Variants in PTPRT observed in about 807,000 individuals in gnomAD.
PTPRT encodes receptor-type tyrosine-protein phosphatase T.
Under a neutral mutation model 176.8 loss-of-function variants are expected in PTPRT, and 56 were observed. The ratio of observed to expected loss-of-function variants is 0.32; its 90% CI spans 0.26 to 0.40. The LOEUF is 0.40. PTPRT is among the 10% of genes least tolerant of loss of function. The pLI is 1.00. For missense variants in PTPRT, 1,540 were observed against 1,908.2 expected, an observed-to-expected ratio of 0.81 and a Z score of 3.60; for synonymous variants, 783 against 739.0, an observed-to-expected ratio of 1.06 and a Z score of -0.96.
At chr20:42,823,679 C>T (rs1002925495) in intron 2 of PTPRT, among the ~76,000 whole-genome samples, 20 of 151,950 alleles carry the variant, frequency 1.3e-4, no homozygotes, top group Admixed American at 6.6e-4. Flanking sequence ...ACTGAAGCCA[C>T]TTCTATTAAA....
At chr20:42,647,385 G>A (rs2074930290) in intron 7 of PTPRT, among the ~76,000 whole-genome samples, 1 of 152,026 alleles carries the variant, frequency 6.6e-6, no homozygotes, top group Non-Finnish European at 1.5e-5. Context: ...AATAAATAAA[G>A]TAAATAAATG....
At chr20:42,732,772 C>A (rs2076481119) in intron 6 of PTPRT, among the ~76,000 whole-genome samples, 1 of 152,006 alleles carries the variant, frequency 6.6e-6, no homozygotes, top group Admixed American at 6.6e-5. Flanking sequence ...CCTCAGGGCC[C>A]AGAACTTAAA....
rs766656092 is a variant in PTPRT at position 42,451,509 on chromosome 20, G to GA, written c.1451-3181dup. Among the ~76,000 whole-genome samples the GA allele has an allele frequency of 8.0e-5, 12 of 150,078 alleles. No individual in the cohort carries two copies. The South Asian group carries it at 1.5e-3, about 18-fold the overall frequency. On this transcript the variant is annotated intron_variant, in intron 8 of 30. Transcript: ENST00000373187. ...ATAGATGGCAAGAGTATAGAGCAGA[G>GA]AAAAAAAAATAGGTCTAAGACTAAG... is the stretch of plus-strand genomic sequence containing the variant.
intron 9 of PTPRT, among the ~76,000 whole-genome samples, chr20:42,435,530 C>A (rs2059254887): frequency 6.6e-6 from 1 of 152,080 alleles, no homozygotes; most frequent in African/African-American, 2.4e-5. Flanking sequence ...TAAAAGAAGG[C>A]CAGTGAGACC....
At chr20:42,034,163 T>C in the PTPRT span, among the ~76,000 whole-genome samples, 2 of 152,150 alleles carry the variant, frequency 1.3e-5, no homozygotes, top group Admixed American at 1.3e-4. Flanking sequence ...GAAATCAAGG[T>C]GTTGAATGAG....
chr20:42,664,483 T>A (rs1407208038), intron 7 of PTPRT, among the ~76,000 whole-genome samples: 1 of 152,214 alleles, frequency 6.6e-6, no homozygotes, highest in Non-Finnish European at 1.5e-5. Flanking sequence ...TTTTCTTTAT[T>A]TTTTTCTAGT....
At chr20:43,147,114 G>A (rs900312788) in intron 1 of PTPRT, among the ~76,000 whole-genome samples, 1 of 152,078 alleles carries the variant, frequency 6.6e-6, no homozygotes, top group Non-Finnish European at 1.5e-5. Flanking sequence ...TTCTCTCCAG[G>A]TACCTCTGCT....
chr20:42,560,956 T>C (rs1009406211), intron 7 of PTPRT, among the ~76,000 whole-genome samples: 8 of 152,170 alleles, frequency 5.3e-5, no homozygotes, highest in African/African-American at 1.9e-4. Flanking sequence ...CCTCTTTTTA[T>C]AATGACTCTT....
intron 7 of PTPRT, among the ~76,000 whole-genome samples, chr20:42,527,003 G>T (rs1322650659): frequency 8.8e-6 from 1 of 114,208 alleles, no homozygotes; most frequent in Non-Finnish European, 1.6e-5. Flanking sequence ...TCGCTCTGCC[G>T]CCCAGGCTGG....
chr20:42,940,389 C>G (rs546767279), intron 1 of PTPRT, among the ~76,000 whole-genome samples: 3 of 151,986 alleles, frequency 2.0e-5, no homozygotes, highest in Non-Finnish European at 4.4e-5. Context: ...ATTCGCATAG[C>G]CATAACCAAG....
intron 9 of PTPRT, among the ~76,000 whole-genome samples, chr20:42,354,154 A>C (rs1001809464): frequency 1.3e-5 from 2 of 152,164 alleles, no homozygotes; most frequent in Non-Finnish European, 2.9e-5. Flanking sequence ...ATAATCAAAA[A>C]CCAAACCATT....
intron 12 of PTPRT, among the ~76,000 whole-genome samples, chr20:42,305,738 C>CATCT (rs1260117682): frequency 1.3e-5 from 2 of 152,148 alleles, no homozygotes; most frequent in Non-Finnish European, 2.9e-5. Context: ...TTGAAGGACA[C>CATCT]ATCTCATCCC....
At chr20:42,246,268 T>A (rs189729846) in intron 14 of PTPRT, among the ~76,000 whole-genome samples, 4 of 151,960 alleles carry the variant, frequency 2.6e-5, no homozygotes, top group Non-Finnish European at 5.9e-5. Context: ...AGTGCAGGCC[T>A]ATGTTCAATT....
intron 9 of PTPRT, among the ~76,000 whole-genome samples, chr20:42,424,561 T>G (rs2059146702): frequency 6.6e-6 from 1 of 152,112 alleles, no homozygotes; most frequent in South Asian, 2.1e-4. Context: ...AATTTGGGAA[T>G]GATTTACTCA....
chr20:42,999,633 G>GT (rs58899138), intron 1 of PTPRT, among the ~76,000 whole-genome samples: 6 of 151,554 alleles, frequency 4.0e-5, no homozygotes, highest in South Asian at 2.1e-4. Context: ...TGTTGTTGTT[G>GT]TGGTGGTTGT....
intron 9 of PTPRT, among the ~76,000 whole-genome samples, chr20:42,358,306 G>A (rs2058385734): frequency 6.6e-6 from 1 of 151,786 alleles, no homozygotes; most frequent in Admixed American, 6.6e-5. Flanking sequence ...TGGCTGCTGT[G>A]AGCATCTTTG....
rs191680566 is a variant in PTPRT, at chr20:42,826,990, A to T, written c.215-35524T>A. ...CCATTACATAATTGTAAAGGATTCA[A>T]TTCAAAAAGAAGACCTAACCTAACC... On this transcript the variant is annotated intron_variant, in intron 2 of 30. Transcript: ENST00000373187. 9.2e-5 allele frequency among the ~76,000 whole-genome samples: 14 copies of T among 152,338 alleles called. No individual in the cohort carries two copies. In the East Asian group the frequency reaches 1.7e-3, roughly 19 times the overall value.
intron 1 of PTPRT, among the ~76,000 whole-genome samples, chr20:42,937,839 A>G (rs1980291699): frequency 2.0e-5 from 3 of 152,344 alleles, no homozygotes; most frequent in South Asian, 4.1e-4. Context: ...ATGAATGGGA[A>G]AACTCTTGGA....
At chr20:42,095,105 C>CA (rs1271483705) in intron 27 of PTPRT, among the ~76,000 whole-genome samples, 1 of 152,190 alleles carries the variant, frequency 6.6e-6, no homozygotes, top group Non-Finnish European at 1.5e-5. Flanking sequence ...ATCTACCCCC[C>CA]AGTTCAACCA....
Sources: gnomAD v4.1 joint callset for allele counts (sites outside exome capture counted in the v4.1 genomes callset) on GRCh38, gnomAD v4.1.1 for gene constraint, MANE v1.5 for transcripts, NCBI Gene and HGNC (gene_info 2026-07-23, HGNC 2026-07-21) for gene names.